Variants in MGARP observed in about 807,000 individuals in gnomAD.
The protein encoded by MGARP is mitochondria localized glutamic acid rich protein.
In MGARP, 12 loss-of-function variants were observed where a neutral mutation model predicts 11.0. The ratio of observed to expected loss-of-function variants is 1.09; its 90% confidence interval spans 0.70 to 1.77. MGARP has a LOEUF of 1.77. Among genes scored for constraint, MGARP ranks in the 40% most tolerant of loss-of-function variants. The probability of loss-of-function intolerance (pLI) is 0.00; values close to 1 mark genes in which losing one functional copy is unlikely to be tolerated. For synonymous variants in MGARP, 110 were observed against 115.4 expected (o/e 0.95, Z 0.30); for missense variants, 283 against 297.8 (o/e 0.95, Z 0.36).
chr4:139,279,278 T>G (rs1211270680), intron 1 of MGARP, among the ~76,000 whole-genome samples: 1 of 152,166 alleles, frequency 6.6e-6, no homozygotes, highest in Admixed American at 6.5e-5. Flanking sequence ...TACGAAGCGC[T>G]TTCCTATATG....
chr4:139,268,191 T>C (rs1744725764), intron 3 of MGARP, among the ~76,000 whole-genome samples: 1 of 151,802 alleles, frequency 6.6e-6, no homozygotes, highest in South Asian at 2.1e-4. Flanking sequence ...AGAGTGAAAA[T>C]ATAAAGTTTC....
intron 2 of MGARP, among the ~76,000 whole-genome samples, chr4:139,271,524 C>A (rs1434683698): frequency 6.6e-6 from 1 of 152,114 alleles, no homozygotes; most frequent in Non-Finnish European, 1.5e-5. Context: ...TACCCAGACC[C>A]TCAAAAAAAC....
In MGARP at chr4:139,268,813, G is replaced by A. The variant is rs776347591; in HGVS notation, c.187-48C>T. The A allele has an allele frequency of 5.0e-6, 7 of 1,404,028 alleles. No homozygotes were observed. The Admixed American group carries it at 1.3e-4, about 27-fold the overall frequency. The allele number at this position is 1,404,028 out of a possible 1,614,324, so 87.0% of individuals were successfully genotyped here. ...GTTTATTTCTTGAGCTTTAAGATTT[G>A]TCACGCCACATCCAAAGGTACACTC... On this transcript the variant is annotated intron_variant, in intron 2 of 3. Coordinates refer to ENST00000398955, the MANE Select transcript of MGARP (RefSeq NM_032623.4).
At chr4:139,268,165 T>C (rs1744725252) in intron 3 of MGARP, among the ~76,000 whole-genome samples, 1 of 150,804 alleles carries the variant, frequency 6.6e-6, no homozygotes, top group African/African-American at 2.4e-5. Context: ...GAAAAAGAAG[T>C]GTAGGAAGGA....
chr4:139,266,947 A>G lies in MGARP; in HGVS notation c.375T>C (p.Ser125=). The stretch of plus-strand genomic sequence containing the variant: ...TTATGACCACAACTGTAGCACTGGG[A>G]CTTTCTTCAGCATCTACCACCTCAG... ...VEAEVVDAEE[S]PSATVVVIKE... Residue 125 remains serine, a synonymous_variant, in exon 4 of 4, where the codon AGT becomes AGC. Coordinates refer to ENST00000398955, the MANE Select transcript of MGARP (RefSeq NM_032623.4). The G allele has an allele frequency of 6.2e-7, 1 of 1,614,114 alleles. No homozygotes were observed. Among genetic ancestry groups the G allele is most frequent in the Middle Eastern group, 1.6e-4 (1 of 6,062 alleles).
chr4:139,278,348 T>C (rs1744903456), intron 1 of MGARP, among the ~76,000 whole-genome samples: 1 of 152,220 alleles, frequency 6.6e-6, no homozygotes, highest in South Asian at 2.1e-4. Flanking sequence ...GTAGAAAGTA[T>C]GAACAAAAGG....
Position 139,280,163 on chromosome 4 carries a change from C to G in MGARP, c.-5G>C. 6.2e-7 allele frequency: 1 copy of G among 1,606,384 alleles called. No individual in the cohort carries two copies. Among genetic ancestry groups the G allele is most frequent in the South Asian group, 1.1e-5 (1 of 90,540 alleles). ...GACCGCCCTGCGGAGATACATCGCG[C>G]CCGCTGTCCGCCGCGCAGCAGCCTC... is the stretch of plus-strand genomic sequence containing the variant. On this transcript the variant is annotated 5_prime_UTR_variant, in exon 1 of 4. Coordinates refer to ENST00000398955, the MANE Select transcript of MGARP (RefSeq NM_032623.4).
At chr4:139,267,150 A>G (rs1744711323) in intron 3 of MGARP, 109 bp from the exon 4 acceptor site, 2 of 1,031,912 alleles carry the variant, frequency 1.9e-6, no homozygotes, top group Non-Finnish European at 2.9e-6. Context: ...ACTGATGTGT[A>G]ACAGTCTTCA....
intron 1 of MGARP, among the ~76,000 whole-genome samples, chr4:139,277,949 T>C (rs1744896487): frequency 6.6e-6 from 1 of 152,186 alleles, no homozygotes; most frequent in Non-Finnish European, 1.5e-5. Context: ...CTTTTAAGGC[T>C]GGGCTCGGTG....
intron 2 of MGARP, among the ~76,000 whole-genome samples, chr4:139,274,096 C>T (rs1744829177): frequency 6.6e-6 from 1 of 151,792 alleles, no homozygotes; most frequent in Admixed American, 6.6e-5. Flanking sequence ...AAATTTAAAA[C>T]TAACAAAAAT....
At chr4:139,272,561 C>CCAAAAAA (rs1744800611) in intron 2 of MGARP, among the ~76,000 whole-genome samples, 1 of 109,314 alleles carries the variant, frequency 9.1e-6, no homozygotes, top group Non-Finnish European at 1.9e-5. Flanking sequence ...TGTCCCCTCC[C>CCAAAAAA]AAAAAAAAAA....
intron 2 of MGARP, among the ~76,000 whole-genome samples, chr4:139,274,679 C>T (rs1249810828): frequency 6.6e-6 from 1 of 152,056 alleles, no homozygotes; most frequent in Non-Finnish European, 1.5e-5. Context: ...GATGGGGTTT[C>T]CTCATGTTGG....
intron 1 of MGARP, among the ~76,000 whole-genome samples, chr4:139,278,135 G>A (rs928736500): frequency 1.3e-5 from 2 of 152,160 alleles, no homozygotes; most frequent in Non-Finnish European, 2.9e-5. Flanking sequence ...GCTGAGGCAG[G>A]AGAATCACTT....
At position 139,275,390 on chromosome 4, in the gene MGARP, A is replaced by C; in HGVS notation, c.85T>G (p.Ser29Ala). Residue 29 changes from serine to alanine, a missense_variant and splice_region_variant, in exon 2 of 4, where the codon TCT (serine) becomes GCT (alanine). Coordinates refer to ENST00000398955, the MANE Select transcript of MGARP (RefSeq NM_032623.4). ...CTGTTAGATGACATCCGGCGCAGAG[A>C]TGCTAGGAAAAAAATGTTTAAACAC... ...PNPAPLGKDA[S>A]LRRMSSNRFP... 1.2e-6 allele frequency: 2 copies of C among 1,612,184 alleles called. No homozygotes were observed. Among genetic ancestry groups the C allele is most frequent in the Non-Finnish European group, 1.7e-6 (2 of 1,179,264 alleles).
At position 139,272,476 on chromosome 4, in the gene MGARP, G is replaced by A. The variant is rs1026606230; in HGVS notation, c.186+2813C>T. ...CAGGAGGCTGAGGCAGGAGAATGGCGTGAACCCGGGAGGTGGAGCTTGCAG... is the reference window on the plus strand; with the variant it reads ...CAGGAGGCTGAGGCAGGAGAATGGCATGAACCCGGGAGGTGGAGCTTGCAG... On this transcript the variant is annotated intron_variant, in intron 2 of 3. Transcript: ENST00000398955. Among the ~76,000 whole-genome samples the A allele has an allele frequency of 3.4e-5, 5 of 147,860 alleles. 1 individual carries two copies. The highest frequency in any genetic ancestry group is 4.4e-4 in the South Asian group (2 of 4,500).
At chr4:139,272,538 G>A (rs1407987292) in intron 2 of MGARP, among the ~76,000 whole-genome samples, 19 of 134,170 alleles carry the variant, frequency 1.4e-4, no homozygotes, top group African/African-American at 4.4e-4. Flanking sequence ...CAGCCTGGAC[G>A]AGAGCGAGAC....
At chr4:139,274,252 A>C (rs1024250631) in intron 2 of MGARP, among the ~76,000 whole-genome samples, 2 of 152,186 alleles carry the variant, frequency 1.3e-5, no homozygotes, top group Admixed American at 1.3e-4. Context: ...CAGAACATAC[A>C]ACGCAAAGAG....
chr4:139,272,560 C>CAAAAAA (rs1560931885), intron 2 of MGARP, among the ~76,000 whole-genome samples: 1 of 64,828 alleles, frequency 1.5e-5, no homozygotes, highest in African/African-American at 1.1e-4. Context: ...CTGTCCCCTC[C>CAAAAAA]CAAAAAAAAA....
At chr4:139,274,118 T>G (rs1744829660) in intron 2 of MGARP, among the ~76,000 whole-genome samples, 1 of 152,010 alleles carries the variant, frequency 6.6e-6, no homozygotes, top group South Asian at 2.1e-4. Flanking sequence ...ATGGAGACAG[T>G]AAAAAGATTG....
Sources: gnomAD v4.1 joint callset for allele counts (sites outside exome capture counted in the v4.1 genomes callset) on GRCh38, gnomAD v4.1.1 for gene constraint, MANE v1.5 for transcripts, NCBI Gene and HGNC (gene_info 2026-07-23, HGNC 2026-07-21) for gene names.